Variants in CNTNAP5 observed in about 807,000 individuals in gnomAD.
The protein encoded by CNTNAP5 is contactin-associated protein-like 5.
In CNTNAP5, 72 loss-of-function variants were observed where a neutral mutation model predicts 150.2. The observed-to-expected ratio is 0.48, with a 90% confidence interval of 0.40 to 0.58. The LOEUF is 0.58. Ranked by LOEUF, CNTNAP5 falls within the 20% of genes least tolerant of loss-of-function variation. The pLI, the probability that CNTNAP5 is intolerant of heterozygous loss-of-function variation, is 0.00. For missense variants in CNTNAP5, 1,636 were observed against 1,626.2 expected (o/e 1.01, Z -0.10); for synonymous variants, 672 against 619.8 (o/e 1.08, Z -1.25).
At chr2:124,881,885 C>T (rs561141156) in intron 21 of CNTNAP5, among the ~76,000 whole-genome samples, 1 of 152,096 alleles carries the variant, frequency 6.6e-6, no homozygotes, top group South Asian at 2.1e-4. Flanking sequence ...TAATACACTT[C>T]TTCTGATTAG....
At chr2:124,581,204 T>C (rs1696402302) in intron 11 of CNTNAP5, among the ~76,000 whole-genome samples, 1 of 152,216 alleles carries the variant, frequency 6.6e-6, no homozygotes, top group Non-Finnish European at 1.5e-5. Context: ...TGCTTTCAAA[T>C]TCTTCAAAAT....
intron 3 of CNTNAP5, among the ~76,000 whole-genome samples, chr2:124,242,796 G>A (rs534198690): frequency 6.6e-6 from 1 of 152,270 alleles, no homozygotes; most frequent in East Asian, 1.9e-4. Context: ...TAACAACACA[G>A]CTAGCTCAAT....
intron 3 of CNTNAP5, among the ~76,000 whole-genome samples, chr2:124,411,509 A>G (rs1239779984): frequency 6.7e-6 from 1 of 148,542 alleles, no homozygotes; most frequent in Non-Finnish European, 1.5e-5. Context: ...ATCCAGCAGC[A>G]CATCAAAAAG....
chr2:124,407,194 A>G (rs1235903458), intron 3 of CNTNAP5, among the ~76,000 whole-genome samples: 6 of 152,108 alleles, frequency 3.9e-5, no homozygotes, highest in Non-Finnish European at 8.8e-5. Context: ...TTTCCTTTTG[A>G]TACATTTTCA....
At chr2:124,039,006 T>A (rs1337965611) in intron 1 of CNTNAP5, among the ~76,000 whole-genome samples, 1 of 152,172 alleles carries the variant, frequency 6.6e-6, no homozygotes, top group Non-Finnish European at 1.5e-5. Context: ...CTGCCCTAAG[T>A]TACACTAAAT....
At chr2:124,654,224 T>C (rs538996151) in intron 13 of CNTNAP5, among the ~76,000 whole-genome samples, 6 of 152,256 alleles carry the variant, frequency 3.9e-5, no homozygotes, top group Admixed American at 1.3e-4. Flanking sequence ...TTACAAAGCC[T>C]GGGACTGCAA....
chr2:124,070,060 TCA>T (rs1392610261), intron 1 of CNTNAP5, among the ~76,000 whole-genome samples: 5 of 152,116 alleles, frequency 3.3e-5, no homozygotes, highest in Non-Finnish European at 7.4e-5. Context: ...GTTAAAATGC[TCA>T]GTTTTTATTA....
At chr2:124,121,112 A>C (rs1243515535) in intron 1 of CNTNAP5, among the ~76,000 whole-genome samples, 1 of 151,570 alleles carries the variant, frequency 6.6e-6, no homozygotes, top group East Asian at 1.9e-4. Flanking sequence ...TCTTAAAAGC[A>C]TGGAAGCTTT....
intron 13 of CNTNAP5, among the ~76,000 whole-genome samples, chr2:124,672,744 A>T (rs184235178): frequency 6.6e-6 from 1 of 152,244 alleles, no homozygotes; most frequent in Non-Finnish European, 1.5e-5. Context: ...CTCTCCTATA[A>T]ATATGTTCAA....
chr2:124,525,789 G>T (rs1237925655), intron 9 of CNTNAP5, among the ~76,000 whole-genome samples: 1 of 152,164 alleles, frequency 6.6e-6, no homozygotes, highest in Non-Finnish European at 1.5e-5. Context: ...TTTAATTCAT[G>T]CAGAAACCTT....
At chr2:124,046,446 A>AAAAC in intron 1 of CNTNAP5, among the ~76,000 whole-genome samples, 1 of 151,774 alleles carries the variant, frequency 6.6e-6, no homozygotes, top group Admixed American at 6.6e-5. Context: ...AAAAAAAAAA[A>AAAAC]AAACAGAGAA....
intron 3 of CNTNAP5, among the ~76,000 whole-genome samples, chr2:124,298,489 G>C (rs1353735290): frequency 6.6e-6 from 1 of 152,164 alleles, no homozygotes. Flanking sequence ...TTCATCAAAA[G>C]TCATAAGTGA....
chr2:124,677,808 A>G (rs565201460), intron 13 of CNTNAP5, among the ~76,000 whole-genome samples: 5 of 151,964 alleles, frequency 3.3e-5, no homozygotes, highest in South Asian at 2.1e-4. Context: ...CTAGCTAGAC[A>G]GAAAAGTTCT....
At chr2:124,864,986 G>T (rs749577549) in intron 19 of CNTNAP5, among the ~76,000 whole-genome samples, 26 of 151,980 alleles carry the variant, frequency 1.7e-4, no homozygotes, top group Admixed American at 6.6e-5. Flanking sequence ...AAGTAGAAAA[G>T]ATCTTAACTC....
At position 124,862,294 on chromosome 2, in the gene CNTNAP5, G is replaced by T. The variant is rs200131425; in HGVS notation, c.3218-3012G>T. ...AAATGATACCAAATAGACAATAAAT[G>T]CATTACAGCATGTCAGAGAAATTGC... On this transcript the variant is annotated intron_variant, in intron 19 of 23. Transcript: ENST00000682447. 3.3e-5 allele frequency among the ~76,000 whole-genome samples: 5 copies of T among 152,274 alleles called. No individual in the cohort carries two copies. In the East Asian group the frequency reaches 7.7e-4, roughly 24 times the overall value.
At position 124,713,308 on chromosome 2, in the gene CNTNAP5, CTCT is replaced by C. The variant is rs1558746878; in HGVS notation, c.2078-33919_2078-33917del. On this transcript the variant is annotated intron_variant, in intron 13 of 23. Transcript: ENST00000682447. ...TTCTTTCTTTCTTTCTTTCTTCTTT[CTCT>C]TTCTTTCCTTTCTTTCTTTCTTTCT... is the stretch of plus-strand genomic sequence containing the variant. Among the ~76,000 whole-genome samples the C allele has an allele frequency of 2.2e-3, 127 of 57,134 alleles. 8 individuals carry two copies. Among genetic ancestry groups the C allele is most frequent in the East Asian group, 0.018 (28 of 1,544 alleles). The allele number at this position is 57,134 out of a possible 152,430, so 37.5% of individuals were successfully genotyped here. A position where few individuals can be genotyped will look rare whatever the true frequency, so the allele number is the denominator to read the frequency against.
intron 21 of CNTNAP5, among the ~76,000 whole-genome samples, chr2:124,871,768 C>T (rs1359794647): frequency 1.3e-5 from 2 of 151,986 alleles, no homozygotes; most frequent in African/African-American, 4.8e-5. Context: ...TTTGTCATCA[C>T]GTATCTGCTT....
rs1678430157 is a variant in CNTNAP5 at position 124,655,758 on chromosome 2, A to G, written c.2077+7800A>G. On this transcript the variant is annotated intron_variant, in intron 13 of 23. Coordinates refer to ENST00000682447, the MANE Select transcript of CNTNAP5 (RefSeq NM_001367498.1). The stretch of plus-strand genomic sequence containing the variant: ...ACAAAAGATATTTAAAAAGTTATCC[A>G]GGTGTGGTGGGGCACACTTGTAGTC... 3.3e-5 allele frequency among the ~76,000 whole-genome samples: 5 copies of G among 151,666 alleles called. No individual in the cohort carries two copies. The South Asian group carries it at 6.2e-4, about 19-fold the overall frequency.
At chr2:124,903,681 CTTAAGA>C (rs1263173884) in intron 22 of CNTNAP5, among the ~76,000 whole-genome samples, 1 of 152,092 alleles carries the variant, frequency 6.6e-6, no homozygotes, top group Non-Finnish European at 1.5e-5. Context: ...GATGAGGACA[CTTAAGA>C]TTAACTATTT....
Sources: gnomAD v4.1 joint callset for allele counts (sites outside exome capture counted in the v4.1 genomes callset) on GRCh38, gnomAD v4.1.1 for gene constraint, MANE v1.5 for transcripts, NCBI Gene and HGNC (gene_info 2026-07-23, HGNC 2026-07-21) for gene names.